Variants in CHRM3 observed in about 807,000 individuals in gnomAD.
CHRM3 encodes the protein muscarinic acetylcholine receptor M3.
Under a neutral mutation model 41.8 loss-of-function variants are expected in CHRM3, and 11 were observed. The ratio of observed to expected loss-of-function variants is 0.26; its 90% CI spans 0.17 to 0.44. CHRM3 has a LOEUF of 0.44. CHRM3 is among the 20% of genes least tolerant of loss of function. CHRM3 has a pLI of 1.00. For synonymous variants in CHRM3, 297 were observed against 301.4 expected (o/e 0.99, Z 0.15); for missense variants, 571 against 745.4 (o/e 0.77, Z 2.72).
Position 239,753,601 on chromosome 1 carries a change from A to G in CHRM3, c.-146-73651A>G, listed in dbSNP as rs747698711. ...CCCCATGATTCAATCACCTCCCACC[A>G]GGTCCCTTCCCCAACATTGGGAATT... On this transcript the variant is annotated intron_variant, in intron 5 of 6. Coordinates refer to ENST00000676153, the MANE Select transcript of CHRM3 (RefSeq NM_001375978.1). 1.8e-4 allele frequency among the ~76,000 whole-genome samples: 28 copies of G among 152,296 alleles called. 1 individual carries two copies. In the Middle Eastern group the frequency reaches 0.01, roughly 56 times the overall value.
At chr1:239,580,704 TACACAC>T (rs1553332738) in intron 3 of CHRM3, among the ~76,000 whole-genome samples, 24 of 131,036 alleles carry the variant, frequency 1.8e-4, no homozygotes, top group African/African-American at 3.4e-4. Flanking sequence ...TATATATATA[TACACAC>T]ACACACACAC....
At chr1:239,587,932 T>G (rs1663593400) in intron 3 of CHRM3, among the ~76,000 whole-genome samples, 1 of 152,220 alleles carries the variant, frequency 6.6e-6, no homozygotes, top group African/African-American at 2.4e-5. Flanking sequence ...GTAAACAAAC[T>G]TATGCATTCT....
At chr1:239,902,261 C>A (rs928867293) in intron 6 of CHRM3, among the ~76,000 whole-genome samples, 7 of 152,158 alleles carry the variant, frequency 4.6e-5, no homozygotes, top group Admixed American at 4.6e-4. Flanking sequence ...GCCTACAACA[C>A]CACAATGCTT....
intron 4 of CHRM3, among the ~76,000 whole-genome samples, chr1:239,646,967 GA>G (rs1265265096): frequency 6.6e-6 from 1 of 152,142 alleles, no homozygotes; most frequent in Non-Finnish European, 1.5e-5. Flanking sequence ...TGGGAGTGAG[GA>G]AAGGATAGAC....
chr1:239,672,923 T>G (rs1168188546), intron 4 of CHRM3, among the ~76,000 whole-genome samples: 1 of 152,102 alleles, frequency 6.6e-6, no homozygotes, highest in Non-Finnish European at 1.5e-5. Context: ...AAGCACCAGA[T>G]GTTAGAATGT....
chr1:239,862,042 G>A (rs1675684873), intron 6 of CHRM3, among the ~76,000 whole-genome samples: 1 of 152,212 alleles, frequency 6.6e-6, no homozygotes, highest in African/African-American at 2.4e-5. Flanking sequence ...TTAGGGGAAT[G>A]TCATGATATG....
intron 1 of CHRM3, among the ~76,000 whole-genome samples, chr1:239,422,120 C>T (rs1662001027): frequency 6.6e-6 from 1 of 152,172 alleles, no homozygotes; most frequent in Admixed American, 6.6e-5. Flanking sequence ...GAAAGTTTAT[C>T]TTTCTTTTAT....
At chr1:239,402,289 C>T (rs1660045418) in intron 1 of CHRM3, among the ~76,000 whole-genome samples, 1 of 152,098 alleles carries the variant, frequency 6.6e-6, no homozygotes, top group Non-Finnish European at 1.5e-5. Flanking sequence ...AGATAACTTC[C>T]CTCTTTACGT....
At chr1:239,886,771 C>G (rs922744437) in intron 6 of CHRM3, among the ~76,000 whole-genome samples, 1 of 152,180 alleles carries the variant, frequency 6.6e-6, no homozygotes, top group Non-Finnish European at 1.5e-5. Flanking sequence ...GATATGGTAC[C>G]ATTTGTCACA....
intron 2 of CHRM3, among the ~76,000 whole-genome samples, chr1:239,529,276 A>G (rs1670204239): frequency 6.6e-6 from 1 of 152,170 alleles, no homozygotes; most frequent in South Asian, 2.1e-4. Flanking sequence ...TCCAATTTCA[A>G]ATTAATTTCA....
chr1:239,871,609 A>T (rs1012183129), intron 6 of CHRM3, among the ~76,000 whole-genome samples: 2 of 152,180 alleles, frequency 1.3e-5, no homozygotes, highest in Non-Finnish European at 2.9e-5. Flanking sequence ...GTCAGTCATA[A>T]CACATGATGA....
At chr1:239,668,306 C>G (rs908035167) in intron 4 of CHRM3, among the ~76,000 whole-genome samples, 5 of 151,832 alleles carry the variant, frequency 3.3e-5, no homozygotes, top group Admixed American at 6.6e-5. Flanking sequence ...CCAGCTTGGT[C>G]TCGAATTCCT....
chr1:239,434,585 A>G (rs1308829247), intron 1 of CHRM3, among the ~76,000 whole-genome samples: 1 of 152,152 alleles, frequency 6.6e-6, no homozygotes, highest in Non-Finnish European at 1.5e-5. Flanking sequence ...ACTGTGTCTT[A>G]TTTACCACTC....
chr1:239,488,424 A>G (rs1181671396), intron 1 of CHRM3, among the ~76,000 whole-genome samples: 1 of 152,052 alleles, frequency 6.6e-6, no homozygotes, highest in East Asian at 1.9e-4. Context: ...ATTAAAAAGG[A>G]ATTAGATGGG....
intron 1 of CHRM3, among the ~76,000 whole-genome samples, chr1:239,491,751 GA>G (rs1243885415): frequency 6.6e-6 from 1 of 152,112 alleles, no homozygotes; most frequent in African/African-American, 2.4e-5. Flanking sequence ...GTTTTTTTGA[GA>G]AAACTCCATG....
At chr1:239,448,671 C>T (rs980906656) in intron 1 of CHRM3, among the ~76,000 whole-genome samples, 64 of 152,200 alleles carry the variant, frequency 4.2e-4, no homozygotes, top group African/African-American at 1.5e-3. Context: ...TAACAGATTT[C>T]TCTCCTCATG....
chr1:239,866,851 T>C (rs1032785291), intron 6 of CHRM3, among the ~76,000 whole-genome samples: 1 of 152,196 alleles, frequency 6.6e-6, no homozygotes, highest in Admixed American at 6.5e-5. Context: ...AAACTCTGAC[T>C]TGGGATGTTG....
intron 1 of CHRM3, among the ~76,000 whole-genome samples, chr1:239,406,594 A>G (rs1305330996): frequency 6.6e-6 from 1 of 152,228 alleles, no homozygotes; most frequent in African/African-American, 2.4e-5. Context: ...TCCTCATTCC[A>G]GCAAAGAAAT....
At chr1:239,702,969 C>T (rs1187497127) in intron 5 of CHRM3, among the ~76,000 whole-genome samples, 1 of 152,104 alleles carries the variant, frequency 6.6e-6, no homozygotes, top group Non-Finnish European at 1.5e-5. Context: ...CTTCACAAAT[C>T]CCACAGACTG....
Sources: allele counts gnomAD v4.1 joint callset (sites outside exome capture counted in the v4.1 genomes callset), GRCh38; gene constraint gnomAD v4.1.1; transcripts MANE v1.5; gene names NCBI Gene and HGNC (gene_info 2026-07-23, HGNC 2026-07-21).